NTSR1: variants seen among roughly 807,000 people sequenced by gnomAD.
The protein encoded by NTSR1 is neurotensin receptor type 1.
A neutral mutation model predicts 31.2 loss-of-function variants in NTSR1; 29 were observed. That is an observed-to-expected ratio of 0.93 (90% CI 0.69 to 1.27). The LOEUF is 1.27. Ranked by LOEUF, NTSR1 falls within the 50% of genes most tolerant of loss-of-function variation. NTSR1 has a pLI of 0.00. For missense variants in NTSR1, 697 were observed against 595.4 expected, an observed-to-expected ratio of 1.17 and a Z score of -1.78; for synonymous variants, 282 against 269.9, an observed-to-expected ratio of 1.04 and a Z score of -0.44.
intron 1 of NTSR1, among the ~76,000 whole-genome samples, chr20:62,736,530 C>A (rs1989096436): frequency 6.6e-6 from 1 of 152,168 alleles, no homozygotes; most frequent in Admixed American, 6.5e-5. Flanking sequence ...GTGGGTGGGG[C>A]AAAGAGAGGG....
Position 62,732,677 on chromosome 20 carries a change from T to A in NTSR1, c.715-22008T>A, listed in dbSNP as rs776488311. On this transcript the variant is annotated intron_variant, in intron 1 of 3. Transcript: ENST00000370501. This position sits in a 1 kb window ranked among gnomAD's most constrained non-coding sequence, Gnocchi z 4.0. ...ACATCCTGGTCTGCGTTTTCCTTTCTTGTAACATCCTCGGTTTTGTTATTG... is the reference window on the plus strand; with the variant it reads ...ACATCCTGGTCTGCGTTTTCCTTTCATGTAACATCCTCGGTTTTGTTATTG... 6.6e-6 allele frequency: 1 copy of A among 152,270 alleles called. No individual in the cohort carries two copies. Among genetic ancestry groups the A allele is most frequent in the Non-Finnish European group, 1.5e-5 (1 of 68,060 alleles). 9.4% of individuals were successfully genotyped at this position (152,270 alleles called of 1,614,324 possible).
chr20:62,729,206 C>G (rs1446831917), intron 1 of NTSR1, among the ~76,000 whole-genome samples: 5 of 152,252 alleles, frequency 3.3e-5, no homozygotes, highest in African/African-American at 1.2e-4. Context: ...TGGCTATCTG[C>G]ATGGTCAAAG....
Position 62,760,808 on chromosome 20 carries a change from A to G in NTSR1, c.*541A>G, listed in dbSNP as rs1989608592. 2 of 153,008 alleles carry G rather than the reference A, an allele frequency of 1.3e-5. No homozygotes were observed. The highest frequency in any genetic ancestry group is 4.8e-5 in the African/African-American group (2 of 41,456). 9.5% of individuals were successfully genotyped at this position (153,008 alleles called of 1,614,324 possible). ...TGCCCCCCTCCCCCAGGCAGCTCCAAGAAAGCTCCCTGACTCGCCCCTTCA... is the reference window on the plus strand; with the variant it reads ...TGCCCCCCTCCCCCAGGCAGCTCCAGGAAAGCTCCCTGACTCGCCCCTTCA... On this transcript the variant is annotated 3_prime_UTR_variant, in exon 4 of 4. Coordinates refer to ENST00000370501, the MANE Select transcript of NTSR1 (RefSeq NM_002531.3).
chr20:62,755,304 T>C (rs2147148518), intron 2 of NTSR1, among the ~76,000 whole-genome samples: 1 of 82,432 alleles, frequency 1.2e-5, no homozygotes, highest in Non-Finnish European at 2.6e-5. Flanking sequence ...TTCATTCCTC[T>C]ACCTCTCCCT....
chr20:62,755,133 C>CA (rs1989463999), intron 2 of NTSR1, among the ~76,000 whole-genome samples: 8 of 124,546 alleles, frequency 6.4e-5, no homozygotes, highest in African/African-American at 1.4e-4. Flanking sequence ...TCCATCCATC[C>CA]TTCCTTCCCT....
chr20:62,727,650 G>C (rs1988931899), intron 1 of NTSR1, among the ~76,000 whole-genome samples: 1 of 152,256 alleles, frequency 6.6e-6, no homozygotes, highest in African/African-American at 2.4e-5. Flanking sequence ...TCCTGGAGGG[G>C]AGGCGGGAGT....
chr20:62,737,798 G>T (rs1341517604), intron 1 of NTSR1, among the ~76,000 whole-genome samples: 1 of 151,866 alleles, frequency 6.6e-6, no homozygotes, highest in Non-Finnish European at 1.5e-5. Context: ...TCCTGCTGCT[G>T]CTTCCCACTT....
chr20:62,713,414 T>G (rs948650390), intron 1 of NTSR1, among the ~76,000 whole-genome samples: 2 of 152,106 alleles, frequency 1.3e-5, no homozygotes, highest in Non-Finnish European at 2.9e-5. Flanking sequence ...CAGGGCGACT[T>G]GGCAAACACC....
rs1044384369 is a variant in NTSR1 at position 62,745,218 on chromosome 20, G to A, written c.715-9467G>A. ...AGACCCAGACAGACAGCAACACAAAGACAGAGAGAGAGACACAGAGAGGAA... is the reference window on the plus strand; with the variant it reads ...AGACCCAGACAGACAGCAACACAAAAACAGAGAGAGAGACACAGAGAGGAA... On this transcript the variant is annotated intron_variant, in intron 1 of 3. Transcript: ENST00000370501. This position sits in a 1 kb window ranked among gnomAD's most constrained non-coding sequence, Gnocchi z 4.1. Among the ~76,000 whole-genome samples the A allele has an allele frequency of 1.3e-5, 2 of 152,164 alleles. No individual in the cohort carries two copies. The highest frequency in any genetic ancestry group is 4.8e-5 in the African/African-American group (2 of 41,438).
At chr20:62,746,954 G>A (rs554849849) in intron 1 of NTSR1, among the ~76,000 whole-genome samples, 8 of 152,324 alleles carry the variant, frequency 5.3e-5, no homozygotes, top group Non-Finnish European at 1.0e-4. Context: ...GCCAGAGAAG[G>A]ACGCTATGAG....
chr20:62,761,473 G>A lies in NTSR1; in HGVS notation c.*1206G>A, dbSNP rs1227639443. On this transcript the variant is annotated 3_prime_UTR_variant, in exon 4 of 4. Coordinates refer to ENST00000370501, the MANE Select transcript of NTSR1 (RefSeq NM_002531.3). ...TGGTCTCTAGGATCCAGGCTCCACA[G>A]AGCACATGACTAGCCAGGCCCCTGG... The A allele has an allele frequency of 1.3e-5, 2 of 152,232 alleles. No homozygotes were observed. The highest frequency in any genetic ancestry group is 2.9e-5 in the Non-Finnish European group (2 of 68,074). 9.4% of individuals were successfully genotyped at this position (152,232 alleles called of 1,614,324 possible). A position where few individuals can be genotyped will look rare whatever the true frequency, so the allele number is the denominator to read the frequency against.
At chr20:62,752,522 G>A (rs969583277) in intron 1 of NTSR1, among the ~76,000 whole-genome samples, 10 of 152,318 alleles carry the variant, frequency 6.6e-5, no homozygotes, top group South Asian at 2.1e-4. Context: ...GTGGCCCTGC[G>A]GCAGACTCTG....
intron 1 of NTSR1, among the ~76,000 whole-genome samples, chr20:62,719,475 C>T (rs76251948): frequency 1.7e-4 from 21 of 127,028 alleles, no homozygotes; most frequent in South Asian, 6.6e-4. Context: ...TACGATCATC[C>T]CCACCCTCCC....
At chr20:62,754,605 A>T in intron 1 of NTSR1, 80 bp from the exon 2 acceptor site, 1 of 1,187,712 alleles carries the variant, frequency 8.4e-7, no homozygotes, top group South Asian at 1.3e-5. Flanking sequence ...TGACACCCCA[A>T]TCAGCACGGC....
At chr20:62,722,188 G>A (rs928512296) in intron 1 of NTSR1, among the ~76,000 whole-genome samples, 22 of 152,224 alleles carry the variant, frequency 1.4e-4, no homozygotes, top group Admixed American at 4.6e-4. Flanking sequence ...AACTTGGGTC[G>A]GCTTGGTTTC....
chr20:62,740,063 CCAGGGCTTGCGTTTG>C (rs1989175423), intron 1 of NTSR1, among the ~76,000 whole-genome samples: 1 of 152,234 alleles, frequency 6.6e-6, no homozygotes, highest in Non-Finnish European at 1.5e-5. Flanking sequence ...CCCCGGAAAC[CCAGGGCTTGCGTTTG>C]CAGGTCTCTG....
rs777417657 is a variant in NTSR1, at chr20:62,743,853, T to C, written c.715-10832T>C. Among the ~76,000 whole-genome samples the C allele has an allele frequency of 1.4e-4, 21 of 152,138 alleles. No individual in the cohort carries two copies. The highest frequency in any genetic ancestry group is 2.6e-4 in the Non-Finnish European group (18 of 68,000). On this transcript the variant is annotated intron_variant, in intron 1 of 3. Transcript: ENST00000370501. The surrounding 1 kb of genome is among the most constrained non-coding windows in gnomAD (Gnocchi z 7.5). ...GGTCGAGGGGCTGAGGCCGGCTGTC[T>C]GGAGCCTGTGTCGGGGGCACCCTCC...
At chr20:62,747,900 G>T (rs1002555445) in intron 1 of NTSR1, among the ~76,000 whole-genome samples, 3 of 152,216 alleles carry the variant, frequency 2.0e-5, no homozygotes, top group African/African-American at 7.2e-5. Context: ...AGAGGGCCAG[G>T]CGCAGTGGCT....
chr20:62,725,651 G>T (rs999797258), intron 1 of NTSR1, among the ~76,000 whole-genome samples: 1 of 152,226 alleles, frequency 6.6e-6, no homozygotes, highest in African/African-American at 2.4e-5. Context: ...GGTGCCAGCT[G>T]GTTCCTGCTG....
Sources: gnomAD v4.1 joint callset for allele counts (sites outside exome capture counted in the v4.1 genomes callset) on GRCh38, gnomAD v4.1.1 for gene constraint, Gnocchi (gnomAD v3.1) non-coding constraint, MANE v1.5 for transcripts, NCBI Gene and HGNC (gene_info 2026-07-23, HGNC 2026-07-21) for gene names.